COL5A1: variants seen among roughly 807,000 people sequenced by gnomAD.
COL5A1 encodes the protein collagen alpha-1(V) chain.
In COL5A1, 16 loss-of-function variants were observed where a neutral mutation model predicts 263.7. The ratio of observed to expected loss-of-function variants is 0.06; its 90% CI spans 0.04 to 0.09. The LOEUF is 0.09. Ranked by LOEUF, COL5A1 falls within the 10% of genes least tolerant of loss-of-function variation. The probability of loss-of-function intolerance (pLI) is 1.00; values close to 1 mark genes in which losing one functional copy is unlikely to be tolerated. For missense variants in COL5A1, 2,036 were observed against 2,540.5 expected (o/e 0.80, Z 4.27); for synonymous variants, 1,012 against 1,004.5 (o/e 1.01, Z -0.14).
At chr9:134,771,413 C>T (rs545433333) in intron 25 of COL5A1, among the ~76,000 whole-genome samples, 11 of 152,340 alleles carry the variant, frequency 7.2e-5, no homozygotes, top group East Asian at 5.8e-4. Context: ...TGGCCAAGCA[C>T]GTCCCCTCCC....
intron 1 of COL5A1, chr9:134,649,618 A>G (rs1195340968): frequency 2.3e-6 from 1 of 439,034 alleles, no homozygotes; most frequent in Admixed American, 2.9e-5. Context: ...ACATAAAAAC[A>G]GTGTGGTGAT....
At chr9:134,838,498 G>A (rs1291651991) in intron 65 of COL5A1, among the ~76,000 whole-genome samples, 2 of 152,174 alleles carry the variant, frequency 1.3e-5, no homozygotes, top group Admixed American at 6.5e-5. Context: ...TCCAGACCGC[G>A]CCACCTTCTC....
Position 134,642,340 on chromosome 9 carries a change from C to A in COL5A1, c.109+44C>A. On this transcript the variant is annotated intron_variant, in intron 1 of 65. Transcript: ENST00000371817. This position sits in a 1 kb window ranked among gnomAD's most constrained non-coding sequence, Gnocchi z 4.5. ...GCGGGGCTGCGGGATGGGGCGCGCG[C>A]AGCCCGGGCGCCGCTGTCATCCCCG... is the stretch of plus-strand genomic sequence containing the variant. 1.9e-6 allele frequency: 1 copy of A among 522,314 alleles called. No homozygotes were observed. The highest frequency in any genetic ancestry group is 2.7e-6 in the Non-Finnish European group (1 of 369,960). 32.4% of individuals were successfully genotyped at this position (522,314 alleles called of 1,614,324 possible). A position where few individuals can be genotyped will look rare whatever the true frequency, so the allele number is the denominator to read the frequency against.
chr9:134,747,861 ACACACATGCAGACACATG>A (rs1835600039), intron 11 of COL5A1, among the ~76,000 whole-genome samples: 5 of 150,046 alleles, frequency 3.3e-5, no homozygotes, highest in Admixed American at 6.6e-5. Flanking sequence ...ATGCATTCAT[ACACACATGCAGACACATG>A]CACACATGCA....
At chr9:134,673,178 A>G (rs375760890) in intron 1 of COL5A1, among the ~76,000 whole-genome samples, 6 of 152,340 alleles carry the variant, frequency 3.9e-5, no homozygotes, top group African/African-American at 7.2e-5. Flanking sequence ...TCTGAAATTT[A>G]TGTGGGGATG....
chr9:134,762,869 G>A lies in COL5A1; in HGVS notation c.1990-824G>A, dbSNP rs546868138. On this transcript the variant is annotated intron_variant, in intron 19 of 65. Transcript: ENST00000371817. Reference sequence around the variant, plus strand: ...GTCAGTGCTTCTTGATTGAGAGGACGTGTGTGTGTGTGTGTGTGTATGCGT... The same window carrying A: ...GTCAGTGCTTCTTGATTGAGAGGACATGTGTGTGTGTGTGTGTGTATGCGT... Among the ~76,000 whole-genome samples, 10 of 107,374 alleles carry A rather than the reference G, an allele frequency of 9.3e-5. No individual in the cohort carries two copies. In the South Asian group the frequency reaches 1.4e-3, roughly 15 times the overall value. 70.4% of individuals were successfully genotyped at this position (107,374 alleles called of 152,430 possible).
intron 11 of COL5A1, among the ~76,000 whole-genome samples, chr9:134,749,566 T>G (rs1237130564): frequency 2.0e-5 from 3 of 152,206 alleles, no homozygotes; most frequent in Non-Finnish European, 4.4e-5. Flanking sequence ...TGTCTGGGAG[T>G]TGGGAATCCA....
rs7851810 is a variant in COL5A1 at position 134,797,064 on chromosome 9, G to T, written c.2898+163G>T. Among the ~76,000 whole-genome samples the T allele has an allele frequency of 0.13, 20,329 of 152,248 alleles. 1,811 individuals carry two copies. Among genetic ancestry groups the T allele is most frequent in the African/African-American group, 0.25 (10,585 of 41,524 alleles). ...GTGAAATTCTGGCTGGTCAGATGAG[G>T]GGGAGACCCCCCCACCGCCAAGGCG... On this transcript the variant is annotated intron_variant, in intron 36 of 65. Transcript: ENST00000371817.
intron 24 of COL5A1, among the ~76,000 whole-genome samples, chr9:134,767,934 T>A (rs1272868320): frequency 6.6e-6 from 1 of 152,200 alleles, no homozygotes; most frequent in Admixed American, 6.5e-5. Flanking sequence ...CACAGAGGGC[T>A]GGGCTGCTGC....
rs899899347 is a variant in COL5A1, at chr9:134,754,667, G to A, written c.1827+341G>A. The stretch of plus-strand genomic sequence containing the variant: ...GGCCTTATATATTTCGGGCAGCACT[G>A]GGACTCCAGAAATGGCCTGATTCGG... On this transcript the variant is annotated intron_variant, in intron 16 of 65. Transcript: ENST00000371817. The surrounding 1 kb of genome is among the most constrained non-coding windows in gnomAD (Gnocchi z 4.3). Among the ~76,000 whole-genome samples, 2 of 152,356 alleles carry A rather than the reference G, an allele frequency of 1.3e-5. No homozygotes were observed. Among genetic ancestry groups the A allele is most frequent in the East Asian group, 1.9e-4 (1 of 5,184 alleles).
chr9:134,781,867 G>A (rs780759875), intron 28 of COL5A1, among the ~76,000 whole-genome samples: 8 of 152,188 alleles, frequency 5.3e-5, no homozygotes, highest in Non-Finnish European at 5.9e-5. Flanking sequence ...CCTTGCGTGT[G>A]CCCCCAGCCG....
Position 134,742,880 on chromosome 9 carries a change from C to T in COL5A1, c.1494+4072C>T, listed in dbSNP as rs1049272264. Reference sequence around the variant, plus strand: ...CAGCGAAGCCCTTCCCTGGGCTCCTCGGGCAGGTGGGGGAAGGAGAGGGCT... The same window carrying T: ...CAGCGAAGCCCTTCCCTGGGCTCCTTGGGCAGGTGGGGGAAGGAGAGGGCT... On this transcript the variant is annotated intron_variant, in intron 11 of 65. Coordinates refer to ENST00000371817, the MANE Select transcript of COL5A1 (RefSeq NM_000093.5). The surrounding 1 kb of genome is among the most constrained non-coding windows in gnomAD (Gnocchi z 4.6). Among the ~76,000 whole-genome samples, 2 of 152,172 alleles carry T rather than the reference C, an allele frequency of 1.3e-5. No homozygotes were observed. Among genetic ancestry groups the T allele is most frequent in the African/African-American group, 4.8e-5 (2 of 41,444 alleles).
At chr9:134,715,943 G>A (rs1312242791) in intron 4 of COL5A1, among the ~76,000 whole-genome samples, 1 of 151,900 alleles carries the variant, frequency 6.6e-6, no homozygotes, top group East Asian at 1.9e-4. Context: ...TGGTGGTGAT[G>A]CTGGTGATGG....
intron 8 of COL5A1, 146 bp downstream of exon 8, chr9:134,731,809 A>G: frequency 1.0e-6 from 1 of 974,312 alleles, no homozygotes. Flanking sequence ...ATTTTTAAAG[A>G]GACCTCGGTG....
chr9:134,823,128 C>A, intron 60 of COL5A1, 95 bp downstream of exon 60: 1 of 1,397,370 alleles, frequency 7.2e-7, no homozygotes, highest in Non-Finnish European at 1.0e-6. Flanking sequence ...GACAACCGTC[C>A]TAGCTCAGGC....
At position 134,711,075 on chromosome 9, in the gene COL5A1, C is replaced by T. The variant is rs559970793; in HGVS notation, c.654+9742C>T. ...CTTGGGGGGGCAGCCACATGGGAAG[C>T]CGGGAAGGGAGCTCCCACAGCTGGT... is the stretch of plus-strand genomic sequence containing the variant. On this transcript the variant is annotated intron_variant, in intron 4 of 65. Transcript: ENST00000371817. 3.9e-5 allele frequency among the ~76,000 whole-genome samples: 6 copies of T among 152,166 alleles called. No homozygotes were observed. In the East Asian group the frequency reaches 1.2e-3, roughly 29 times the overall value.
intron 63 of COL5A1, among the ~76,000 whole-genome samples, chr9:134,828,745 C>T (rs564616862): frequency 1.3e-3 from 145 of 113,850 alleles, no homozygotes; most frequent in African/African-American, 4.8e-3. Flanking sequence ...AGATACCACA[C>T]ACCACGCACA....
At chr9:134,824,566 C>T (rs1277020518) in intron 61 of COL5A1, 34 bp from the exon 62 acceptor site, 7 of 1,612,590 alleles carry the variant, frequency 4.3e-6, no homozygotes, top group Non-Finnish European at 5.1e-6. Flanking sequence ...TCCCATCCTC[C>T]ATCACCCACC....
At chr9:134,797,077 C>A (rs940109382) in intron 36 of COL5A1, among the ~76,000 whole-genome samples, 176 bp downstream of exon 36, 2 of 152,252 alleles carry the variant, frequency 1.3e-5, no homozygotes, top group Non-Finnish European at 2.9e-5. Context: ...GAGACCCCCC[C>A]ACCGCCAAGG....
Sources: gnomAD v4.1 joint callset for allele counts (sites outside exome capture counted in the v4.1 genomes callset) on GRCh38, gnomAD v4.1.1 for gene constraint, Gnocchi (gnomAD v3.1) non-coding constraint, MANE v1.5 for transcripts, NCBI Gene and HGNC (gene_info 2026-07-23, HGNC 2026-07-21) for gene names.